Variants in RCN1 observed in about 807,000 individuals in gnomAD.
The protein encoded by RCN1 is reticulocalbin 1, also known as reticulocalbin-1.
RCN1 carries 14 observed loss-of-function variants against 34.7 expected under a neutral mutation model. That is an observed-to-expected ratio of 0.40 (90% CI 0.27 to 0.63). RCN1 has a LOEUF of 0.63. Ranked by LOEUF, RCN1 falls within the 30% of genes least tolerant of loss-of-function variation. The pLI is 0.37. For missense variants in RCN1, 326 were observed against 425.1 expected (o/e 0.77, Z 2.05); for synonymous variants, 125 against 165.5 (o/e 0.76, Z 1.88).
intron 5 of RCN1, among the ~76,000 whole-genome samples, chr11:32,103,926 G>A (rs1852077807): frequency 6.6e-6 from 1 of 152,104 alleles, no homozygotes; most frequent in African/African-American, 2.4e-5. Context: ...CTAGTACTTC[G>A]GTATCTATTG....
intron 3 of RCN1, among the ~76,000 whole-genome samples, chr11:32,099,221 T>C (rs1852007518): frequency 6.6e-6 from 1 of 151,826 alleles, no homozygotes; most frequent in Non-Finnish European, 1.5e-5. Context: ...CTTGGGAGGC[T>C]GAGGCAGGAG....
Position 32,101,558 on chromosome 11 carries a change from G to A in RCN1, c.688+950G>A, listed in dbSNP as rs139939629. Among the ~76,000 whole-genome samples, 25 of 152,234 alleles carry A rather than the reference G, an allele frequency of 1.6e-4. No homozygotes were observed. The Middle Eastern group carries it at 0.01, about 62-fold the overall frequency. On this transcript the variant is annotated intron_variant, in intron 4 of 5. Coordinates refer to ENST00000054950, the MANE Select transcript of RCN1 (RefSeq NM_002901.4). Reference sequence around the variant, plus strand: ...TGTATTACTTTGCCATCCCAGACACGAGAACAAGTGCCTTCAGCAATGAAG... The same window carrying A: ...TGTATTACTTTGCCATCCCAGACACAAGAACAAGTGCCTTCAGCAATGAAG...
intron 4 of RCN1, 58 bp from the exon 5 acceptor site, chr11:32,103,223 G>A: frequency 6.7e-7 from 1 of 1,487,092 alleles, no homozygotes; most frequent in Non-Finnish European, 9.4e-7. Context: ...TTTTATGGGG[G>A]TGGGGGAGGT....
chr11:32,093,819 A>G (rs1851944664), intron 1 of RCN1, among the ~76,000 whole-genome samples: 1 of 152,238 alleles, frequency 6.6e-6, no homozygotes, highest in African/African-American at 2.4e-5. Flanking sequence ...GGCAGTACAC[A>G]GAGAACATAA....
chr11:32,103,076 T>C (rs1852064452), intron 4 of RCN1: 1 of 663,054 alleles, frequency 1.5e-6, no homozygotes, highest in Non-Finnish European at 2.8e-6. Context: ...CTAAACTCAG[T>C]TCTTTCTACT....
In RCN1 at chr11:32,098,426, C is replaced by T. The variant is rs1851997622; in HGVS notation, c.525C>T (p.Phe175=). The part of the protein sequence containing the change: ...KKMLPRDERR[F]KAADLNGDLT... ...TGCTGCCACGTGATGAGAGAAGATT[C>T]AAAGCTGCAGACCTCAATGGTGACC... Residue 175 remains phenylalanine (F), a synonymous_variant, in exon 3 of 6, where the codon TTC becomes TTT. Coordinates refer to ENST00000054950, the MANE Select transcript of RCN1 (RefSeq NM_002901.4). 1 of 1,613,920 alleles carries T rather than the reference C, an allele frequency of 6.2e-7. No individual in the cohort carries two copies. The highest frequency in any genetic ancestry group is 8.5e-7 in the Non-Finnish European group (1 of 1,179,946).
chr11:32,100,719 A>G (rs528729054), intron 4 of RCN1, 111 bp downstream of exon 4: 6 of 816,996 alleles, frequency 7.3e-6, no homozygotes, highest in African/African-American at 5.1e-5. Flanking sequence ...CTGCAAGTCT[A>G]TACGTCACTC....
In RCN1 at chr11:32,100,994, T is replaced by A. The variant is rs573464136; in HGVS notation, c.688+386T>A. Among the ~76,000 whole-genome samples the A allele has an allele frequency of 9.0e-4, 137 of 152,354 alleles. 1 individual carries two copies. The highest frequency in any genetic ancestry group is 3.5e-4 in the Non-Finnish European group (24 of 68,036). On this transcript the variant is annotated intron_variant, in intron 4 of 5. Transcript: ENST00000054950. Reference sequence around the variant, plus strand: ...AGCCTCTAAAACTGGACTGGGTCAATGGAGCCTAGAAACTCTGAGTAGATG... The same window carrying A: ...AGCCTCTAAAACTGGACTGGGTCAAAGGAGCCTAGAAACTCTGAGTAGATG...
At chr11:32,092,924 A>G (rs1851937763) in intron 1 of RCN1, among the ~76,000 whole-genome samples, 1 of 152,244 alleles carries the variant, frequency 6.6e-6, no homozygotes, top group Admixed American at 6.5e-5. Flanking sequence ...CTGCTCTGAT[A>G]AAAAGACCTT....
rs768428175 is a variant in RCN1 at position 32,098,556 on chromosome 11, G to A, written c.627+28G>A. ...AAGATAAGTGAAGAGTCTGGGCTGG[G>A]AAGAGACCAGGGAGAAAACTGCCTC... On this transcript the variant is annotated intron_variant, in intron 3 of 5. Transcript: ENST00000054950. 43 of 1,549,714 alleles carry A rather than the reference G, an allele frequency of 2.8e-5. No homozygotes were observed. In the South Asian group the frequency reaches 5.1e-4, roughly 19 times the overall value.
intron 1 of RCN1, among the ~76,000 whole-genome samples, chr11:32,096,150 C>T: frequency 6.6e-6 from 1 of 152,184 alleles, no homozygotes; most frequent in Non-Finnish European, 1.5e-5. Flanking sequence ...TGTTAGAATT[C>T]CAGCCCAAAA....
intron 2 of RCN1, 130 bp from the exon 3 acceptor site, chr11:32,098,220 A>G: frequency 2.8e-6 from 2 of 720,088 alleles, no homozygotes. Context: ...GAATGTTTTA[A>G]AGAACTCAGT....
intron 1 of RCN1, chr11:32,096,415 G>A (rs1476327260): frequency 6.6e-6 from 1 of 152,168 alleles, no homozygotes; most frequent in Non-Finnish European, 1.5e-5. Flanking sequence ...GCCAGCTGTG[G>A]AGCTGGTATA....
rs757251568 is a variant in RCN1, at chr11:32,091,475, G to C, written c.254+25G>C. 64 of 1,536,702 alleles carry C rather than the reference G, an allele frequency of 4.2e-5. No homozygotes were observed. The South Asian group carries it at 5.6e-4, about 13-fold the overall frequency. On this transcript the variant is annotated intron_variant, in intron 1 of 5. Coordinates refer to ENST00000054950, the MANE Select transcript of RCN1 (RefSeq NM_002901.4). ...GGTGAGGCCGCGGCCAGGGCCCCGTGGGGGGCGGCGCAGGTGTCCGAGGGC... is the reference window on the plus strand; with the variant it reads ...GGTGAGGCCGCGGCCAGGGCCCCGTCGGGGGCGGCGCAGGTGTCCGAGGGC...
intron 2 of RCN1, among the ~76,000 whole-genome samples, chr11:32,098,008 G>C (rs554727982): frequency 6.6e-6 from 1 of 152,338 alleles, no homozygotes; most frequent in African/African-American, 2.4e-5. Flanking sequence ...GTTGAGACAA[G>C]ATGTTTTGGG....
At chr11:32,102,147 G>C (rs1320919087) in intron 4 of RCN1, 2 of 152,120 alleles carry the variant, frequency 1.3e-5, no homozygotes, top group African/African-American at 4.8e-5. Flanking sequence ...GAAAGTGTGT[G>C]GTGGGGGGTG....
chr11:32,092,097 C>A (rs1339688542), intron 1 of RCN1, among the ~76,000 whole-genome samples: 2 of 151,828 alleles, frequency 1.3e-5, no homozygotes, highest in Non-Finnish European at 2.9e-5. Context: ...CACCTGAGGT[C>A]AGGAGTTCGA....
At position 32,097,176 on chromosome 11, in the gene RCN1, A is replaced by T. The variant is rs751284085; in HGVS notation, c.287A>T (p.Asp96Val). 1.3e-5 allele frequency: 20 copies of T among 1,544,146 alleles called. No individual in the cohort carries two copies. The highest frequency in any genetic ancestry group is 1.4e-5 in the African/African-American group (1 of 69,174). Residue 96 changes from aspartate to valine, a missense_variant, in exon 2 of 6, where the codon GAT becomes GTT. Transcript: ENST00000054950. ...GTTGATCGAATCGACAATGATGGGG[A>T]TGGCTTTGTCACTACTGAGGAGCTG... is the stretch of plus-strand genomic sequence containing the variant. ...KIVDRIDNDG[D>V]GFVTTEELKT...
At chr11:32,093,346 G>A (rs1851940672) in intron 1 of RCN1, among the ~76,000 whole-genome samples, 1 of 152,200 alleles carries the variant, frequency 6.6e-6, no homozygotes, top group Admixed American at 6.5e-5. Flanking sequence ...GTACAAAGAT[G>A]AAACCTTATG....
Sources: gnomAD v4.1 joint callset for allele counts (sites outside exome capture counted in the v4.1 genomes callset) on GRCh38, gnomAD v4.1.1 for gene constraint, MANE v1.5 for transcripts, NCBI Gene and HGNC (gene_info 2026-07-23, HGNC 2026-07-21) for gene names.